The following HABP4 variants were observed in gnomAD, a reference collection of about 807,000 sequenced individuals.
HABP4 encodes hyaluronan binding protein 4, also known as intracellular hyaluronan-binding protein 4.
Under a neutral mutation model 44.1 loss-of-function variants are expected in HABP4, and 32 were observed. The observed-to-expected ratio is 0.73, with a 90% CI of 0.55 to 0.97. The LOEUF is 0.97. Ranked by LOEUF, HABP4 falls within the 50% of genes least tolerant of loss-of-function variation. HABP4 has a pLI of 0.00. For synonymous variants in HABP4, 216 were observed against 218.0 expected, an observed-to-expected ratio of 0.99 and a Z score of 0.08; for missense variants, 503 against 561.9, an observed-to-expected ratio of 0.90 and a Z score of 1.06.
chr9:96,480,422 C>T (rs943939314), intron 5 of HABP4, among the ~76,000 whole-genome samples: 1 of 152,044 alleles, frequency 6.6e-6, no homozygotes, highest in Admixed American at 6.6e-5. Context: ...GTCTTAGTAT[C>T]TTTTAATATT....
In HABP4 at chr9:96,488,128, C is replaced by T. The variant is rs766242099; in HGVS notation, c.1039C>T (p.Arg347Trp). 10 of 1,613,546 alleles carry T rather than the reference C, an allele frequency of 6.2e-6. No homozygotes were observed. The highest frequency in any genetic ancestry group is 1.1e-5 in the South Asian group (1 of 91,058). Residue 347 changes from arginine (R) to tryptophan (W), a missense_variant, in exon 7 of 8, where the codon CGG (arginine) becomes TGG (tryptophan). This residue lies in a region of HABP4 where 131 missense variants were observed against 189.8 expected (regional missense o/e 0.69). Transcript: ENST00000375249. This position sits in a 1 kb window ranked among gnomAD's most constrained non-coding sequence, Gnocchi z 4.6. ...CTATGAGGACGATTCCCATGTTTTCCGGAAACCCGCCAATGACATCACATC... is the reference window on the plus strand; with the variant it reads ...CTATGAGGACGATTCCCATGTTTTCTGGAAACCCGCCAATGACATCACATC... ...DDYEDDSHVF[R>W]KPANDITSQL...
At position 96,471,091 on chromosome 9, in the gene HABP4, C is replaced by T; in HGVS notation, c.824C>T (p.Ala275Val). 6.6e-7 allele frequency: 1 copy of T among 1,517,804 alleles called. No individual in the cohort carries two copies. The highest frequency in any genetic ancestry group is 9.2e-7 in the Non-Finnish European group (1 of 1,092,090). 94.0% of individuals were successfully genotyped at this position (1,517,804 alleles called of 1,614,324 possible). The change falls in exon 5 of 8, where the codon GCC becomes GTC. Residue 275 changes from alanine (A) to valine (V), a missense_variant. Physicochemically the swap from Ala to Val is moderately conservative, Grantham distance 64 (BLOSUM62 0). Around this residue, in one of 3 missense-constraint regions of HABP4, gnomAD observed 131 missense variants for 189.8 expected, o/e 0.69. Coordinates refer to ENST00000375249, the MANE Select transcript of HABP4 (RefSeq NM_014282.4). Reference protein sequence around the residue: ...SQGTPEEESPAKVPELEVEEE... With the variant: ...SQGTPEEESPVKVPELEVEEE... The stretch of plus-strand genomic sequence containing the variant: ...GGCACCCCGGAAGAGGAGTCTCCAG[C>T]CAAGTAGGGCATTTTGTTCATTCCC...
intron 5 of HABP4, chr9:96,484,224 C>G (rs1832931089): frequency 5.3e-6 from 2 of 377,662 alleles, no homozygotes; most frequent in Non-Finnish European, 9.5e-6. Flanking sequence ...GGTGATGTTC[C>G]CATTTTTCAA....
chr9:96,477,573 A>G (rs1832802414), intron 5 of HABP4, among the ~76,000 whole-genome samples: 1 of 152,196 alleles, frequency 6.6e-6, no homozygotes, highest in African/African-American at 2.4e-5. Flanking sequence ...GATATCATTA[A>G]TTCCAAGACA....
intron 5 of HABP4, among the ~76,000 whole-genome samples, chr9:96,481,103 GAGAA>G (rs949414107): frequency 3.3e-4 from 50 of 152,136 alleles, no homozygotes; most frequent in African/African-American, 1.2e-3. Context: ...TTTTGTTTTG[GAGAA>G]AGAGTCTTGT....
rs762577587 is a variant in HABP4 at position 96,488,121 on chromosome 9, T to C, written c.1032T>C (p.His344=). 1.9e-6 allele frequency: 3 copies of C among 1,613,610 alleles called. No individual in the cohort carries two copies. In the Admixed American group the frequency reaches 5.0e-5, roughly 27 times the overall value. The change falls in exon 7 of 8, where the codon CAT becomes CAC. Residue 344 remains histidine (H), a synonymous_variant. Coordinates refer to ENST00000375249, the MANE Select transcript of HABP4 (RefSeq NM_014282.4). The surrounding 1 kb of genome is among the most constrained non-coding windows in gnomAD (Gnocchi z 4.6). Reference sequence around the variant, plus strand: ...AAGATGACTATGAGGACGATTCCCATGTTTTCCGGAAACCCGCCAATGACA... The same window carrying C: ...AAGATGACTATGAGGACGATTCCCACGTTTTCCGGAAACCCGCCAATGACA... ...MVKDDYEDDS[H]VFRKPANDIT...
chr9:96,484,458 A>T lies in HABP4; in HGVS notation c.828-4A>T, dbSNP rs910409285. 3.7e-6 allele frequency: 5 copies of T among 1,361,804 alleles called. No homozygotes were observed. In the African/African-American group the frequency reaches 7.2e-5, roughly 20 times the overall value. 84.4% of individuals were successfully genotyped at this position (1,361,804 alleles called of 1,614,324 possible). A position where few individuals can be genotyped will look rare whatever the true frequency, so the allele number is the denominator to read the frequency against. On this transcript the variant is annotated splice_region_variant and splice_polypyrimidine_tract_variant and intron_variant, in intron 5 of 7. Coordinates refer to ENST00000375249, the MANE Select transcript of HABP4 (RefSeq NM_014282.4). ...ATTCTTTATGATTATATATCTCTTT[A>T]TAGAGTTCCTGAGTTGGAGGTAGAA...
At chr9:96,453,972 C>A (rs747807287) in intron 1 of HABP4, among the ~76,000 whole-genome samples, 4 of 152,040 alleles carry the variant, frequency 2.6e-5, no homozygotes, top group Non-Finnish European at 5.9e-5. Flanking sequence ...TTCTAATTAT[C>A]TTTGTTTTGG....
In HABP4 at chr9:96,488,212, A is replaced by G; in HGVS notation, c.1123A>G (p.Thr375Ala). Residue 375 changes from threonine to alanine, a missense_variant, in exon 7 of 8, where the codon ACC (threonine) becomes GCC (alanine). Around this residue, in one of 3 missense-constraint regions of HABP4, gnomAD observed 82 missense variants for 71.6 expected, o/e 1.15. Transcript: ENST00000375249. This position sits in a 1 kb window ranked among gnomAD's most constrained non-coding sequence, Gnocchi z 4.6. ...PRPGRGARGGTRGGRGRIRRA... is the reference protein window; with the variant it reads ...PRPGRGARGGARGGRGRIRRA... ...TCCTGGGCGTGGAGCCAGAGGAGGCACCCGGGGAGGCCGGGGAAGGATCAG... is the reference window on the plus strand; with the variant it reads ...TCCTGGGCGTGGAGCCAGAGGAGGCGCCCGGGGAGGCCGGGGAAGGATCAG... The G allele has an allele frequency of 2.5e-6, 4 of 1,613,732 alleles. No homozygotes were observed. The highest frequency in any genetic ancestry group is 2.5e-6 in the Non-Finnish European group (3 of 1,179,610).
chr9:96,489,092 C>A (rs1248674124), intron 7 of HABP4, among the ~76,000 whole-genome samples: 1 of 152,202 alleles, frequency 6.6e-6, no homozygotes, highest in African/African-American at 2.4e-5. Context: ...AATGCTCCTC[C>A]TGCTGCCCGG....
At chr9:96,480,418 G>A (rs1832855872) in intron 5 of HABP4, among the ~76,000 whole-genome samples, 1 of 152,036 alleles carries the variant, frequency 6.6e-6, no homozygotes, top group Non-Finnish European at 1.5e-5. Flanking sequence ...CAATGTCTTA[G>A]TATCTTTTAA....
intron 4 of HABP4, among the ~76,000 whole-genome samples, chr9:96,470,778 T>TC (rs754692751): frequency 6.6e-5 from 10 of 151,154 alleles, no homozygotes; most frequent in Non-Finnish European, 1.5e-4. Context: ...ACGCCTGTAA[T>TC]CCCAGTTACT....
Position 96,450,417 on chromosome 9 carries a change from G to T in HABP4, c.138G>T (p.Glu46Asp). The T allele has an allele frequency of 1.3e-5, 4 of 305,646 alleles. No individual in the cohort carries two copies. The highest frequency in any genetic ancestry group is 3.6e-5 in the Admixed American group (1 of 28,018). 18.9% of individuals were successfully genotyped at this position (305,646 alleles called of 1,614,324 possible). Reference sequence around the variant, plus strand: ...CGTTCGACATCCTGCGCGAGGCCGAGCGCCGGCGCCAGCAGCAGCTGCAGC... The same window carrying T: ...CGTTCGACATCCTGCGCGAGGCCGATCGCCGGCGCCAGCAGCAGCTGCAGC... ...SDPFDILREA[E>D]RRRQQQLQRK... Residue 46 changes from glutamate to aspartate, a missense_variant, in exon 1 of 8, where the codon GAG becomes GAT. Around this residue, in one of 3 missense-constraint regions of HABP4, gnomAD observed 290 missense variants for 300.5 expected, o/e 0.97. Coordinates refer to ENST00000375249, the MANE Select transcript of HABP4 (RefSeq NM_014282.4). This position sits in a 1 kb window ranked among gnomAD's most constrained non-coding sequence, Gnocchi z 4.8.
intron 2 of HABP4, among the ~76,000 whole-genome samples, chr9:96,459,639 A>G (rs1343489795): frequency 1.3e-5 from 2 of 152,208 alleles, no homozygotes; most frequent in Non-Finnish European, 2.9e-5. Flanking sequence ...CCATTTTTCC[A>G]AACTCTTTCT....
At chr9:96,475,146 G>A (rs1832762200) in intron 5 of HABP4, among the ~76,000 whole-genome samples, 1 of 152,292 alleles carries the variant, frequency 6.6e-6, no homozygotes, top group Admixed American at 6.5e-5. Flanking sequence ...GGAGGCCGAG[G>A]TGGGTGGATC....
rs568447514 is a variant in HABP4 at position 96,451,088 on chromosome 9, G to A, written c.349+460G>A. Among the ~76,000 whole-genome samples, 17 of 152,196 alleles carry A rather than the reference G, an allele frequency of 1.1e-4. No individual in the cohort carries two copies. In the South Asian group the frequency reaches 2.9e-3, roughly 26 times the overall value. ...GGGGCTGGGGGCCTCTGTGATGCCG[G>A]AGGCCTGGGCGACCGCGGGGCGGCC... On this transcript the variant is annotated intron_variant, in intron 1 of 7. Transcript: ENST00000375249.
intron 2 of HABP4, among the ~76,000 whole-genome samples, chr9:96,460,829 A>G (rs148017265): frequency 1.8e-3 from 276 of 152,344 alleles, no homozygotes; most frequent in Non-Finnish European, 3.2e-3. Flanking sequence ...GGGGATTTTC[A>G]CTTTCAGGGA....
At chr9:96,483,024 C>A (rs1014872207) in intron 5 of HABP4, 4 of 152,090 alleles carry the variant, frequency 2.6e-5, no homozygotes, top group Admixed American at 1.3e-4. Flanking sequence ...GTGAAATTTC[C>A]GGGTCAGAGG....
Position 96,488,342 on chromosome 9 carries a change from C to CT in HABP4, c.1185+69dup. 1 of 1,060,156 alleles carries CT rather than the reference C, an allele frequency of 9.4e-7. No individual in the cohort carries two copies. The highest frequency in any genetic ancestry group is 1.4e-6 in the Non-Finnish European group (1 of 732,904). The allele number at this position is 1,060,156 out of a possible 1,614,324, so 65.7% of individuals were successfully genotyped here. ...GACAGTGCCCTGGGCCCAGGATGGT[C>CT]TAATTTCAGAGGGTCATGAGTTTCT... On this transcript the variant is annotated intron_variant, in intron 7 of 7. Coordinates refer to ENST00000375249, the MANE Select transcript of HABP4 (RefSeq NM_014282.4). This position sits in a 1 kb window ranked among gnomAD's most constrained non-coding sequence, Gnocchi z 4.6.
Sources: allele counts gnomAD v4.1 joint callset (sites outside exome capture counted in the v4.1 genomes callset), GRCh38; gene constraint gnomAD v4.1.1; regional missense constraint gnomAD v4.1.1; non-coding constraint Gnocchi (gnomAD v3.1); transcripts MANE v1.5; gene names NCBI Gene and HGNC (gene_info 2026-07-23, HGNC 2026-07-21).